Variants in KCTD16 observed in about 807,000 individuals in gnomAD.
KCTD16 encodes the protein potassium channel tetramerization domain containing 16.
In KCTD16, 13 loss-of-function variants were observed where a neutral mutation model predicts 33.2. That is an observed-to-expected ratio of 0.39 (90% CI 0.25 to 0.62). KCTD16 has a LOEUF of 0.62. Among genes scored for constraint, KCTD16 ranks in the 20% least tolerant of loss-of-function variants. The pLI is 0.50. For synonymous variants in KCTD16, 197 were observed against 195.3 expected, an observed-to-expected ratio of 1.01 and a Z score of -0.07; for missense variants, 441 against 525.1, an observed-to-expected ratio of 0.84 and a Z score of 1.57.
rs1190033074 is a variant in KCTD16 at position 144,474,540 on chromosome 5, G to T, written c.*426G>T. 1.2e-5 allele frequency: 2 copies of T among 163,498 alleles called. No individual in the cohort carries two copies. Among genetic ancestry groups the T allele is most frequent in the African/African-American group, 2.4e-5 (1 of 41,426 alleles). The allele number at this position is 163,498 out of a possible 1,614,324, so 10.1% of individuals were successfully genotyped here. On this transcript the variant is annotated 3_prime_UTR_variant, in exon 4 of 4. Coordinates refer to ENST00000512467, the MANE Select transcript of KCTD16 (RefSeq NM_020768.4). ...GCATAAGTTTGGAATTTTTAATTTT[G>T]GTTTTTCCTTTTGTTTATGGGGTTG...
At chr5:144,304,643 A>T (rs1751542292) in intron 3 of KCTD16, among the ~76,000 whole-genome samples, 1 of 152,148 alleles carries the variant, frequency 6.6e-6, no homozygotes, top group Non-Finnish European at 1.5e-5. Context: ...TGGAGACATG[A>T]TTGGGGATGA....
At chr5:144,409,656 G>A (rs983627268) in intron 3 of KCTD16, among the ~76,000 whole-genome samples, 1 of 151,938 alleles carries the variant, frequency 6.6e-6, no homozygotes, top group Non-Finnish European at 1.5e-5. Flanking sequence ...GTCAGGGTTC[G>A]AGACCAGCCT....
chr5:144,331,441 AG>A (rs769773009), intron 3 of KCTD16, among the ~76,000 whole-genome samples: 4 of 152,192 alleles, frequency 2.6e-5, no homozygotes, highest in African/African-American at 9.6e-5. Flanking sequence ...ATATGCAAAA[AG>A]ACTTCAAGTC....
At chr5:144,423,236 A>G (rs750571628) in intron 3 of KCTD16, among the ~76,000 whole-genome samples, 2 of 152,158 alleles carry the variant, frequency 1.3e-5, no homozygotes, top group East Asian at 1.9e-4. Flanking sequence ...CGGTCACATA[A>G]GATTACATGG....
intron 3 of KCTD16, among the ~76,000 whole-genome samples, chr5:144,209,310 G>C (rs1753292139): frequency 6.6e-6 from 1 of 152,122 alleles, no homozygotes; most frequent in South Asian, 2.1e-4. Context: ...AGGCTCATCT[G>C]TCCAACACGA....
At chr5:144,210,820 A>C (rs976464610) in intron 3 of KCTD16, among the ~76,000 whole-genome samples, 4 of 152,176 alleles carry the variant, frequency 2.6e-5, no homozygotes, top group Non-Finnish European at 4.4e-5. Flanking sequence ...AAGCCTACTC[A>C]TGAGTGAGTT....
At chr5:144,356,830 C>CA (rs1751581573) in intron 3 of KCTD16, among the ~76,000 whole-genome samples, 1 of 152,198 alleles carries the variant, frequency 6.6e-6, no homozygotes, top group East Asian at 1.9e-4. Flanking sequence ...CCTTCCTTTT[C>CA]ATGCCTTTCT....
intron 2 of KCTD16, among the ~76,000 whole-genome samples, chr5:144,187,436 A>G (rs1219211664): frequency 6.6e-6 from 1 of 152,104 alleles, no homozygotes; most frequent in Non-Finnish European, 1.5e-5. Context: ...ACACACACAC[A>G]CACACACACA....
intron 3 of KCTD16, among the ~76,000 whole-genome samples, chr5:144,444,838 G>A (rs1271046609): frequency 1.3e-5 from 2 of 149,626 alleles, no homozygotes; most frequent in African/African-American, 4.9e-5. Flanking sequence ...CTTTCAAAAT[G>A]TAATATATAT....
intron 3 of KCTD16, among the ~76,000 whole-genome samples, chr5:144,323,735 C>T (rs1752133675): frequency 6.6e-6 from 1 of 152,156 alleles, no homozygotes; most frequent in South Asian, 2.1e-4. Context: ...CACATTTTCA[C>T]AGCCACCACA....
At chr5:144,206,304 C>T in intron 2 of KCTD16, 85 bp from the exon 3 acceptor site, 2 of 162,652 alleles carry the variant, frequency 1.2e-5, no homozygotes, top group Non-Finnish European at 2.7e-5. Flanking sequence ...TCTGTTTTTC[C>T]CTCCCTCCCT....
At chr5:144,441,016 T>G (rs1753694615) in intron 3 of KCTD16, among the ~76,000 whole-genome samples, 1 of 152,088 alleles carries the variant, frequency 6.6e-6, no homozygotes, top group Non-Finnish European at 1.5e-5. Flanking sequence ...TGCGATAGTT[T>G]GCTGAGAATG....
intron 3 of KCTD16, among the ~76,000 whole-genome samples, chr5:144,362,224 G>T (rs1361096009): frequency 6.6e-6 from 1 of 152,136 alleles, no homozygotes; most frequent in East Asian, 1.9e-4. Flanking sequence ...TCAGGGCCCA[G>T]TAGGCAAAGT....
intron 3 of KCTD16, among the ~76,000 whole-genome samples, chr5:144,234,304 G>A (rs1178906960): frequency 6.6e-6 from 1 of 152,114 alleles, no homozygotes; most frequent in East Asian, 1.9e-4. Flanking sequence ...CACTTCATAA[G>A]AGAAAGTTCA....
chr5:144,379,580 G>C (rs1183977322), intron 3 of KCTD16, among the ~76,000 whole-genome samples: 1 of 152,124 alleles, frequency 6.6e-6, no homozygotes, highest in Non-Finnish European at 1.5e-5. Flanking sequence ...AAATATGGTT[G>C]TTATTTTATT....
chr5:144,319,024 A>T (rs1407030485), intron 3 of KCTD16, among the ~76,000 whole-genome samples: 1 of 152,178 alleles, frequency 6.6e-6, no homozygotes, highest in Non-Finnish European at 1.5e-5. Context: ...TTAAAGCAAT[A>T]TTCAAATAAC....
chr5:144,255,182 A>G lies in KCTD16; in HGVS notation c.832+47636A>G, dbSNP rs76350892. Among the ~76,000 whole-genome samples, 642 of 152,322 alleles carry G rather than the reference A, an allele frequency of 4.2e-3. 2 individuals are homozygous for G. The highest frequency in any genetic ancestry group is 0.014 in the African/African-American group (590 of 41,570). On this transcript the variant is annotated intron_variant, in intron 3 of 3. Transcript: ENST00000512467. ...TTAAGGCTGAATAGCATTTCATTAC[A>G]TGTATGTGTATACTACATTTTCTTT...
At chr5:144,404,160 A>G (rs890037142) in intron 3 of KCTD16, among the ~76,000 whole-genome samples, 2 of 152,184 alleles carry the variant, frequency 1.3e-5, no homozygotes, top group Non-Finnish European at 2.9e-5. Flanking sequence ...CTCTTTCTGG[A>G]AAAAGAGTAA....
At chr5:144,400,729 A>G (rs1229092409) in intron 3 of KCTD16, among the ~76,000 whole-genome samples, 1 of 152,208 alleles carries the variant, frequency 6.6e-6, no homozygotes, top group Non-Finnish European at 1.5e-5. Context: ...ATATCAAGAA[A>G]ATATTATATT....
Sources: gnomAD v4.1 joint callset for allele counts (sites outside exome capture counted in the v4.1 genomes callset) on GRCh38, gnomAD v4.1.1 for gene constraint, MANE v1.5 for transcripts, NCBI Gene and HGNC (gene_info 2026-07-23, HGNC 2026-07-21) for gene names.